HRNR: variants seen among roughly 807,000 people sequenced by gnomAD.
HRNR encodes filaggrin family member 3.
In HRNR, 7 loss-of-function variants were observed where a neutral mutation model predicts 4.8. The observed-to-expected ratio is 1.47, with a 90% CI of 0.83 to 2.75. The LOEUF is 2.75. Among genes scored for constraint, HRNR ranks in the 30% most tolerant of loss-of-function variants. The pLI, the probability that HRNR is intolerant of heterozygous loss-of-function variation, is 0.00. For missense variants in HRNR, 2,879 were observed against 3,010.4 expected (o/e 0.96, Z 1.02); for synonymous variants, 1,023 against 1,242.7 (o/e 0.82, Z 3.72).
rs770833668 is a variant in HRNR, at chr1:152,219,202, A to G, written c.2427T>C (p.Ser809=). Residue 809 remains serine, a synonymous_variant, in exon 3 of 3, where the codon TCT becomes TCC. Coordinates refer to ENST00000368801, the MANE Select transcript of HRNR (RefSeq NM_001009931.3). ...SCSSSCGHYE[S]GSGQASGFGQ... ...CAAAACCAGAAGCCTGGCCTGAGCCAGACTCATAATGGCCACAGCTGGAAG... is the reference window on the plus strand; with the variant it reads ...CAAAACCAGAAGCCTGGCCTGAGCCGGACTCATAATGGCCACAGCTGGAAG... 3 of 1,613,910 alleles carry G rather than the reference A, an allele frequency of 1.9e-6. No homozygotes were observed. Among genetic ancestry groups the G allele is most frequent in the Non-Finnish European group, 1.7e-6 (2 of 1,179,942 alleles).
In HRNR at chr1:152,219,499, G is replaced by A; in HGVS notation, c.2130C>T (p.Ser710=). 6.2e-7 allele frequency: 1 copy of A among 1,613,658 alleles called. No individual in the cohort carries two copies. The highest frequency in any genetic ancestry group is 8.5e-7 in the Non-Finnish European group (1 of 1,179,916). ...GFGHKSGSGQ[S]SGYSQHGSGS... is the part of the protein sequence containing the mutation. ...CAGATCCATGCTGACTGTAACCAGA[G>A]GACTGCCCTGAGCCAGACTTGTGAC... Residue 710 remains serine, a synonymous_variant, in exon 3 of 3, where the codon TCC becomes TCT. Transcript: ENST00000368801.
chr1:152,224,086 G>C (rs960952899), intron 1 of HRNR, 57 bp downstream of exon 1: 13 of 152,076 alleles, frequency 8.5e-5, no homozygotes, highest in African/African-American at 2.9e-4. Flanking sequence ...GCACATCCTG[G>C]ACTTTCATAA....
Position 152,219,870 on chromosome 1 carries a change from G to A in HRNR, c.1759C>T (p.Gln587Ter), listed in dbSNP as rs754161004. Residue 587 changes from glutamine (Q) to a stop codon, truncating the protein, a stop_gained, in exon 3 of 3, where the codon CAA becomes TAA. Coordinates refer to ENST00000368801, the MANE Select transcript of HRNR (RefSeq NM_001009931.3). LOFTEE classifies it low-confidence loss of function (END_TRUNC). ...GAGGACTGTCCTGAGCGAGACTCTTGGTGACCTAAGCCAGAAGAGTGACCG... is the reference window on the plus strand; with the variant it reads ...GAGGACTGTCCTGAGCGAGACTCTTAGTGACCTAAGCCAGAAGAGTGACCG... Reference protein sequence around the residue: ...GSGHSSGLGHQESRSGQSSGY... With the variant: ...GSGHSSGLGH The A allele has an allele frequency of 1.4e-5, 23 of 1,613,904 alleles. No individual in the cohort carries two copies. The highest frequency in any genetic ancestry group is 1.9e-5 in the Non-Finnish European group (23 of 1,179,986).
At position 152,212,895 on chromosome 1, in the gene HRNR, G is replaced by T; in HGVS notation, c.*181C>A. 1 of 809,142 alleles carries T rather than the reference G, an allele frequency of 1.2e-6. No homozygotes were observed. Among genetic ancestry groups the T allele is most frequent in the Non-Finnish European group, 1.9e-6 (1 of 528,932 alleles). 50.1% of individuals were successfully genotyped at this position (809,142 alleles called of 1,614,324 possible). A position where few individuals can be genotyped will look rare whatever the true frequency, so the allele number is the denominator to read the frequency against. On this transcript the variant is annotated 3_prime_UTR_variant, in exon 3 of 3. Coordinates refer to ENST00000368801, the MANE Select transcript of HRNR (RefSeq NM_001009931.3). ...TAGCACAAATGCCTAACAGTCTTTGGAAGGAACCCCATAACAAGATATATG... is the reference window on the plus strand; with the variant it reads ...TAGCACAAATGCCTAACAGTCTTTGTAAGGAACCCCATAACAAGATATATG...
chr1:152,222,960 A>T (rs1373482699), intron 2 of HRNR, among the ~76,000 whole-genome samples, 156 bp downstream of exon 2: 1 of 152,184 alleles, frequency 6.6e-6, no homozygotes, highest in Admixed American at 6.5e-5. Flanking sequence ...ACCATCACGG[A>T]TCTGCTTTTG....
chr1:152,212,672 A>G lies in HRNR; in HGVS notation c.*404T>C. On this transcript the variant is annotated 3_prime_UTR_variant, in exon 3 of 3. Coordinates refer to ENST00000368801, the MANE Select transcript of HRNR (RefSeq NM_001009931.3). ...TAATTGCTGTAAAACAAAGCTTTGT[A>G]TCTAGGACTGGTAATGCATTTGTAA... 4.3e-6 allele frequency: 1 copy of G among 231,488 alleles called. No individual in the cohort carries two copies. The highest frequency in any genetic ancestry group is 8.4e-6 in the Non-Finnish European group (1 of 119,414). The allele number at this position is 231,488 out of a possible 1,614,324, so 14.3% of individuals were successfully genotyped here.
At chr1:152,223,326 T>G (rs1238708391) in intron 1 of HRNR, 48 bp from the exon 2 acceptor site, 1 of 1,116,748 alleles carries the variant, frequency 9.0e-7, no homozygotes, top group East Asian at 2.4e-5. Flanking sequence ...TCTTATTTCT[T>G]GTTTAAACAC....
chr1:152,220,347 G>A lies in HRNR; in HGVS notation c.1282C>T (p.Gln428Ter). 6.2e-7 allele frequency: 1 copy of A among 1,613,742 alleles called. No homozygotes were observed. The highest frequency in any genetic ancestry group is 8.5e-7 in the Non-Finnish European group (1 of 1,179,746). ...GACTGCCCTGACCCAGACCCACGCT[G>A]GCCGTGGCCTGGAGACTGGCCAGAT... Reference protein sequence around the residue: ...SGSGQSPGHGQRGSGSGQSPS... With the variant: ...SGSGQSPGHG The change falls in exon 3 of 3, where the codon CAG becomes TAG. Residue 428 changes from glutamine to a stop codon, truncating the protein, a stop_gained. Coordinates refer to ENST00000368801, the MANE Select transcript of HRNR (RefSeq NM_001009931.3). LOFTEE classifies it low-confidence loss of function (END_TRUNC).
In HRNR at chr1:152,220,558, C is replaced by T. The variant is rs369728338; in HGVS notation, c.1071G>A (p.Gln357=). 2 of 1,611,358 alleles carry T rather than the reference C, an allele frequency of 1.2e-6. No individual in the cohort carries two copies. Among genetic ancestry groups the T allele is most frequent in the Non-Finnish European group, 1.7e-6 (2 of 1,178,244 alleles). The change falls in exon 3 of 3, where the codon CAG becomes CAA. Residue 357 remains glutamine, a synonymous_variant. Coordinates refer to ENST00000368801, the MANE Select transcript of HRNR (RefSeq NM_001009931.3). ...AACCATGCTTACTATAGCCAGAGGA[C>T]TGTCCTGAGCCAGACTCATGTTGCC... The part of the protein sequence containing the change: ...GFGQHESGSG[Q]SSGYSKHGSG...
Position 152,221,208 on chromosome 1 carries a change from A to C in HRNR, c.421T>G (p.Ser141Ala), listed in dbSNP as rs375322150. ...TTAAGACTTCCTCTGACGTTTCTGG[A>C]ATAGGAATCATTCTCTCCTGCACTC... The part of the protein sequence containing the change: ...SWSAGENDSY[S>A]RNVRGSLKPG... Residue 141 changes from serine to alanine, a missense_variant, in exon 3 of 3, where the codon TCC becomes GCC. Coordinates refer to ENST00000368801, the MANE Select transcript of HRNR (RefSeq NM_001009931.3). The C allele has an allele frequency of 1.9e-6, 3 of 1,614,040 alleles. No homozygotes were observed. The African/African-American group carries it at 4.0e-5, about 22-fold the overall frequency.
Position 152,221,010 on chromosome 1 carries a change from G to A in HRNR, c.619C>T (p.Gln207Ter). 6.2e-7 allele frequency: 1 copy of A among 1,614,200 alleles called. No homozygotes were observed. ...GACTGTCCGGAGCCAGAGCCGTGTT[G>A]GCCATAGTTGGGAGACTGCCCTGAC... ...SGSGQSPNYG[Q>*]HGSGSGQSSS... is the part of the protein sequence containing the mutation. The change falls in exon 3 of 3, where the codon CAA becomes TAA. Residue 207 changes from glutamine (Q) to a stop codon, truncating the protein, a stop_gained. Transcript: ENST00000368801. LOFTEE classifies it low-confidence loss of function (END_TRUNC).
rs776019298 is a variant in HRNR at position 152,221,081 on chromosome 1, T to G, written c.548A>C (p.Asn183Thr). Residue 183 changes from asparagine (N) to threonine (T), a missense_variant, in exon 3 of 3, where the codon AAC becomes ACC. Asn to Thr is a moderately conservative substitution (Grantham distance 65). Coordinates refer to ENST00000368801, the MANE Select transcript of HRNR (RefSeq NM_001009931.3). The part of the protein sequence containing the change: ...SGQSSSYGEQ[N>T]SDSHQSSGRG... ...GCCTGAAGACTGATGGGAGTCGGAG[T>G]TTTGCTCACCATAGCTGGAAGACTG... The G allele has an allele frequency of 6.2e-7, 1 of 1,613,046 alleles. No individual in the cohort carries two copies.
At position 152,219,270 on chromosome 1, in the gene HRNR, G is replaced by A. The variant is rs1294253434; in HGVS notation, c.2359C>T (p.His787Tyr). The change falls in exon 3 of 3, where the codon CAC (histidine) becomes TAC (tyrosine). Residue 787 changes from histidine to tyrosine, a missense_variant. His to Tyr is a moderately conservative substitution (Grantham distance 83). Around this residue, in one of 8 missense-constraint regions of HRNR, gnomAD observed 2,646 missense variants for 1,377.7 expected, o/e 1.92. Coordinates refer to ENST00000368801, the MANE Select transcript of HRNR (RefSeq NM_001009931.3). ...SRVRHGSSSG[H>Y]SSSHGQHGSG... Reference sequence around the variant, plus strand: ...CCGTGTTGGCCGTGGCTGGAGGAGTGCCCTGAACTGGACCCATGTCGGACA... The same window carrying A: ...CCGTGTTGGCCGTGGCTGGAGGAGTACCCTGAACTGGACCCATGTCGGACA... 1.2e-6 allele frequency: 2 copies of A among 1,613,036 alleles called. No homozygotes were observed. The highest frequency in any genetic ancestry group is 1.7e-5 in the Admixed American group (1 of 59,962).
At chr1:152,223,647 A>G (rs1274524191) in intron 1 of HRNR, among the ~76,000 whole-genome samples, 1 of 152,210 alleles carries the variant, frequency 6.6e-6, no homozygotes, top group Non-Finnish European at 1.5e-5. Context: ...TACTGTGGGC[A>G]TAGGTCCATC....
chr1:152,222,994 AC>A, intron 2 of HRNR, 121 bp downstream of exon 2: 1 of 1,009,902 alleles, frequency 9.9e-7, no homozygotes, highest in Non-Finnish European at 1.5e-6. Context: ...CTTTTACCAA[AC>A]CCTGTTCTCT....
Position 152,221,493 on chromosome 1 carries a change from G to A in HRNR, c.139-3C>T, listed in dbSNP as rs1407016326. The A allele has an allele frequency of 1.3e-6, 2 of 1,583,554 alleles. No homozygotes were observed. The highest frequency in any genetic ancestry group is 2.3e-5 in the South Asian group (2 of 85,488). On this transcript the variant is annotated splice_polypyrimidine_tract_variant and splice_region_variant and intron_variant, in intron 2 of 2. Coordinates refer to ENST00000368801, the MANE Select transcript of HRNR (RefSeq NM_001009931.3). The stretch of plus-strand genomic sequence containing the variant: ...ACAGTATCTGGATCGTTTGGATTCT[G>A]TATAAGAGAAAGGTACAAAGAGTAG...
rs1648916616 is a variant in HRNR at position 152,220,309 on chromosome 1, G to A, written c.1320C>T (p.Gly440=). 1.2e-6 allele frequency: 2 copies of A among 1,613,966 alleles called. No individual in the cohort carries two copies. The highest frequency in any genetic ancestry group is 1.7e-5 in the Admixed American group (1 of 60,004). ...ATCGACCAAAGCCAGTCCCATGTTG[G>A]CCGGAGCTGGGAGACTGCCCTGACC... The part of the protein sequence containing the change: ...GSGSGQSPSS[G]QHGTGFGRSS... Residue 440 remains glycine, a synonymous_variant, in exon 3 of 3, where the codon GGC becomes GGT. Transcript: ENST00000368801.
At chr1:152,222,185 C>G (rs1484959504) in intron 2 of HRNR, among the ~76,000 whole-genome samples, 1 of 151,898 alleles carries the variant, frequency 6.6e-6, no homozygotes, top group Non-Finnish European at 1.5e-5. Context: ...GAACAAAGGG[C>G]TAGAGGTGAG....
chr1:152,219,517 C>T lies in HRNR; in HGVS notation c.2112G>A (p.Lys704=), dbSNP rs777240675. 1 of 1,613,708 alleles carries T rather than the reference C, an allele frequency of 6.2e-7. No individual in the cohort carries two copies. The highest frequency in any genetic ancestry group is 1.7e-5 in the Admixed American group (1 of 59,992). Residue 704 remains lysine, a synonymous_variant, in exon 3 of 3, where the codon AAG becomes AAA. Coordinates refer to ENST00000368801, the MANE Select transcript of HRNR (RefSeq NM_001009931.3). ...VSGQSSGFGH[K]SGSGQSSGYS... ...AACCAGAGGACTGCCCTGAGCCAGA[C>T]TTGTGACCAAAGCCGGAAGACTGGC...
Sources: allele counts gnomAD v4.1 joint callset (sites outside exome capture counted in the v4.1 genomes callset), GRCh38; gene constraint gnomAD v4.1.1; regional missense constraint gnomAD v4.1.1; transcripts MANE v1.5; gene names NCBI Gene and HGNC (gene_info 2026-07-23, HGNC 2026-07-21).